Variants in WDR48 observed in about 807,000 individuals in gnomAD.
WDR48 encodes the protein WD repeat domain 48.
Under a neutral mutation model 94.0 loss-of-function variants are expected in WDR48, and 22 were observed. That is an observed-to-expected ratio of 0.23 (90% CI 0.17 to 0.33). The LOEUF (loss-of-function observed/expected upper bound fraction) is 0.33, where lower values mean the gene tolerates loss of function less well. Ranked by LOEUF, WDR48 falls within the 10% of genes least tolerant of loss-of-function variation. The probability of loss-of-function intolerance (pLI) is 1.00; values close to 1 mark genes in which losing one functional copy is unlikely to be tolerated. For synonymous variants in WDR48, 278 were observed against 280.5 expected, an observed-to-expected ratio of 0.99 and a Z score of 0.09; for missense variants, 541 against 813.8, an observed-to-expected ratio of 0.66 and a Z score of 4.08.
chr3:39,078,810 C>T lies in WDR48; in HGVS notation c.1075+571C>T, dbSNP rs2034371433. On this transcript the variant is annotated intron_variant, in intron 10 of 18. Transcript: ENST00000302313. ...CTTTGGGAGGCCAAGGCGGGCGGATCACGAGGTCAGGAGATCGAGACCATC... is the reference window on the plus strand; with the variant it reads ...CTTTGGGAGGCCAAGGCGGGCGGATTACGAGGTCAGGAGATCGAGACCATC... 2.0e-5 allele frequency among the ~76,000 whole-genome samples: 3 copies of T among 151,280 alleles called. No homozygotes were observed. In the South Asian group the frequency reaches 6.3e-4, roughly 32 times the overall value.
chr3:39,092,400 T>C (rs2035125538), intron 17 of WDR48, among the ~76,000 whole-genome samples: 1 of 152,136 alleles, frequency 6.6e-6, no homozygotes, highest in South Asian at 2.1e-4. Flanking sequence ...ATATTCCAAG[T>C]CCAGGACACA....
In WDR48 at chr3:39,094,849, G is replaced by A; in HGVS notation, c.*106G>A. 7.2e-7 allele frequency: 1 copy of A among 1,398,510 alleles called. No homozygotes were observed. The highest frequency in any genetic ancestry group is 2.1e-5 in the Admixed American group (1 of 48,166). The allele number at this position is 1,398,510 out of a possible 1,614,324, so 86.6% of individuals were successfully genotyped here. A position where few individuals can be genotyped will look rare whatever the true frequency, so the allele number is the denominator to read the frequency against. On this transcript the variant is annotated 3_prime_UTR_variant, in exon 19 of 19. Coordinates refer to ENST00000302313, the MANE Select transcript of WDR48 (RefSeq NM_020839.4). ...CCCAACGGGAGCAAGACTTCTAACG[G>A]CTGATTGGTATGGACCGAGATTATC...
chr3:39,085,495 TTTAA>T lies in WDR48; in HGVS notation c.1379-15_1379-12del. 6.3e-7 allele frequency: 1 copy of T among 1,593,284 alleles called. No homozygotes were observed. The highest frequency in any genetic ancestry group is 8.6e-7 in the Non-Finnish European group (1 of 1,166,470). On this transcript the variant is annotated splice_polypyrimidine_tract_variant and intron_variant, in intron 13 of 18. Coordinates refer to ENST00000302313, the MANE Select transcript of WDR48 (RefSeq NM_020839.4). ...AACTCGCTTTTCCATTTTATCTCTT[TTTAA>T]TTAACTTTTTTGCAGTGAATTTAGG...
chr3:39,068,208 AAT>A (rs2033724323), intron 5 of WDR48, among the ~76,000 whole-genome samples: 1 of 152,220 alleles, frequency 6.6e-6, no homozygotes, highest in Non-Finnish European at 1.5e-5. Flanking sequence ...TCAACTTTTT[AAT>A]ATGTTTGTAA....
intron 1 of WDR48, among the ~76,000 whole-genome samples, chr3:39,055,478 C>T (rs1472763794): frequency 6.6e-6 from 1 of 152,026 alleles, no homozygotes; most frequent in Non-Finnish European, 1.5e-5. Flanking sequence ...GAGCGAGACT[C>T]CATCTCAAAA....
rs1189824152 is a variant in WDR48 at position 39,085,725 on chromosome 3, T to G, written c.1474+115T>G. ...CTAAAATATTTGTGGTGTACTCAGT[T>G]TATTGTCCTCTCTTCCATATCTCAA... is the stretch of plus-strand genomic sequence containing the variant. On this transcript the variant is annotated intron_variant, in intron 14 of 18. Coordinates refer to ENST00000302313, the MANE Select transcript of WDR48 (RefSeq NM_020839.4). 8.8e-5 allele frequency: 73 copies of G among 830,674 alleles called. No individual in the cohort carries two copies. The East Asian group carries it at 1.8e-3, about 20-fold the overall frequency. The allele number at this position is 830,674 out of a possible 1,614,324, so 51.5% of individuals were successfully genotyped here.
intron 9 of WDR48, 184 bp from the exon 10 acceptor site, chr3:39,077,952 CT>C: frequency 1.9e-6 from 1 of 519,822 alleles, no homozygotes; most frequent in Non-Finnish European, 3.5e-6. Context: ...ATATTCCCTT[CT>C]TAAAATTTGT....
chr3:39,057,574 A>G (rs1369147263), intron 1 of WDR48, among the ~76,000 whole-genome samples: 1 of 152,224 alleles, frequency 6.6e-6, no homozygotes. Context: ...TGAGTGAAAA[A>G]TCACCATAAT....
At position 39,063,074 on chromosome 3, in the gene WDR48, G is replaced by A. The variant is rs763930026; in HGVS notation, c.73G>A (p.Val25Met). 9 of 1,613,984 alleles carry A rather than the reference G, an allele frequency of 5.6e-6. No individual in the cohort carries two copies. Among genetic ancestry groups the A allele is most frequent in the Non-Finnish European group, 7.6e-6 (9 of 1,179,970 alleles). Residue 25 changes from valine (V) to methionine (M), a missense_variant, in exon 2 of 19, where the codon GTG becomes ATG. This residue lies in a region of WDR48 where 90 missense variants were observed against 122.3 expected (regional missense o/e 0.74). Coordinates refer to ENST00000302313, the MANE Select transcript of WDR48 (RefSeq NM_020839.4). ...VQVSYVIRDE[V>M]EKYNRNGVNA... ...GGTTTCCTATGTTATTCGAGATGAAGTGGAGAAGTACAACCGAAATGGAGT... is the reference window on the plus strand; with the variant it reads ...GGTTTCCTATGTTATTCGAGATGAAATGGAGAAGTACAACCGAAATGGAGT...
chr3:39,086,079 A>G (rs1356958112), intron 14 of WDR48, among the ~76,000 whole-genome samples: 3 of 152,224 alleles, frequency 2.0e-5, no homozygotes, highest in Admixed American at 6.5e-5. Context: ...TCAAAAAAAA[A>G]TTCAAATTCC....
chr3:39,094,965 A>C lies in WDR48; in HGVS notation c.*222A>C. ...CCCCAGGGAAGCAGAGTGCAAGAGC[A>C]GAAGAGCCCCAAGCAGACTATGTCT... On this transcript the variant is annotated 3_prime_UTR_variant, in exon 19 of 19. Coordinates refer to ENST00000302313, the MANE Select transcript of WDR48 (RefSeq NM_020839.4). 1.7e-6 allele frequency: 1 copy of C among 599,028 alleles called. No individual in the cohort carries two copies. Among genetic ancestry groups the C allele is most frequent in the Non-Finnish European group, 2.9e-6 (1 of 347,140 alleles). 37.1% of individuals were successfully genotyped at this position (599,028 alleles called of 1,614,324 possible).
chr3:39,074,749 G>A lies in WDR48; in HGVS notation c.696G>A (p.Gly232=), dbSNP rs760625198. ...AGTGCCTGTCAGGCAGTTCTGATGGGACAATTCGCCTTTGGTCCCTTGGCC... is the reference window on the plus strand; with the variant it reads ...AGTGCCTGTCAGGCAGTTCTGATGGAACAATTCGCCTTTGGTCCCTTGGCC... ...GTQCLSGSSD[G]TIRLWSLGQQ... The change falls in exon 8 of 19, where the codon GGG becomes GGA. Residue 232 remains glycine (G), a synonymous_variant. Coordinates refer to ENST00000302313, the MANE Select transcript of WDR48 (RefSeq NM_020839.4). 6.2e-7 allele frequency: 1 copy of A among 1,614,202 alleles called. No individual in the cohort carries two copies. Among genetic ancestry groups the A allele is most frequent in the South Asian group, 1.1e-5 (1 of 91,078 alleles).
intron 1 of WDR48, among the ~76,000 whole-genome samples, chr3:39,057,016 A>G (rs1268729299): frequency 6.6e-6 from 1 of 152,216 alleles, no homozygotes; most frequent in Non-Finnish European, 1.5e-5. Flanking sequence ...TGGTACAGCA[A>G]TTAAAATTGA....
intron 7 of WDR48, among the ~76,000 whole-genome samples, chr3:39,072,934 G>T (rs2034018169): frequency 6.6e-6 from 1 of 152,268 alleles, no homozygotes; most frequent in African/African-American, 2.4e-5. Flanking sequence ...ATTACTTGGC[G>T]TTCTATATCA....
Position 39,085,499 on chromosome 3 carries a change from A to G in WDR48, c.1379-16A>G. ...CGCTTTTCCATTTTATCTCTTTTTA[A>G]TTAACTTTTTTGCAGTGAATTTAGG... is the stretch of plus-strand genomic sequence containing the variant. On this transcript the variant is annotated splice_polypyrimidine_tract_variant and intron_variant, in intron 13 of 18. Coordinates refer to ENST00000302313, the MANE Select transcript of WDR48 (RefSeq NM_020839.4). 1 of 1,598,822 alleles carries G rather than the reference A, an allele frequency of 6.3e-7. No individual in the cohort carries two copies. The highest frequency in any genetic ancestry group is 2.2e-5 in the East Asian group (1 of 44,616).
At chr3:39,084,572 A>G in intron 12 of WDR48, 73 bp from the exon 13 acceptor site, 2 of 1,369,764 alleles carry the variant, frequency 1.5e-6, no homozygotes, top group East Asian at 2.3e-5. Context: ...AATAGTACAA[A>G]TAAATGAAGG....
At chr3:39,058,188 C>T (rs903303484) in intron 1 of WDR48, among the ~76,000 whole-genome samples, 3 of 152,036 alleles carry the variant, frequency 2.0e-5, no homozygotes, top group Admixed American at 6.6e-5. Flanking sequence ...GCCTCAAGCT[C>T]CTGGGCTCAA....
At chr3:39,084,878 A>G in intron 13 of WDR48, 137 bp downstream of exon 13, 1 of 624,150 alleles carries the variant, frequency 1.6e-6, no homozygotes, top group East Asian at 2.9e-5. Context: ...GTATGTACAA[A>G]TACCTAATGT....
At chr3:39,089,714 G>C (rs1214712061) in intron 16 of WDR48, 1 of 153,028 alleles carries the variant, frequency 6.5e-6, no homozygotes, top group Non-Finnish European at 1.5e-5. Flanking sequence ...TGTGTCTACA[G>C]TTCATTTTAT....
Sources: allele counts gnomAD v4.1 joint callset (sites outside exome capture counted in the v4.1 genomes callset), GRCh38; gene constraint gnomAD v4.1.1; regional missense constraint gnomAD v4.1.1; transcripts MANE v1.5; gene names NCBI Gene and HGNC (gene_info 2026-07-23, HGNC 2026-07-21).